The following UBE2V1 variants were observed in gnomAD, a reference collection of about 807,000 sequenced individuals.
UBE2V1 encodes the protein ubiquitin conjugating enzyme E2 V1, also known as ubiquitin-conjugating enzyme E2 variant 1.
A neutral mutation model predicts 19.6 loss-of-function variants in UBE2V1; 15 were observed. The ratio of observed to expected loss-of-function variants is 0.77; its 90% CI spans 0.51 to 1.18. The LOEUF (loss-of-function observed/expected upper bound fraction) is 1.18, where lower values mean the gene tolerates loss of function less well. Ranked by LOEUF, UBE2V1 falls within the 50% of genes most tolerant of loss-of-function variation. The probability of loss-of-function intolerance (pLI) is 0.00; values close to 1 mark genes in which losing one functional copy is unlikely to be tolerated. For missense variants in UBE2V1, 125 were observed against 184.8 expected (o/e 0.68, Z 1.88); for synonymous variants, 60 against 60.7 (o/e 0.99, Z 0.05).
chr20:50,109,821 C>T (rs1460670721), intron 1 of UBE2V1, among the ~76,000 whole-genome samples: 1 of 150,976 alleles, frequency 6.6e-6, no homozygotes, highest in Non-Finnish European at 1.5e-5. Context: ...GAGCAGGCTG[C>T]TATTTCTTTG....
intron 2 of UBE2V1, among the ~76,000 whole-genome samples, chr20:50,086,934 G>A (rs540992516): frequency 6.6e-5 from 10 of 152,258 alleles, no homozygotes; most frequent in South Asian, 2.1e-4. Flanking sequence ...AACATTAGCC[G>A]GGTGTGGTTG....
At chr20:50,084,471 T>C (rs1475004908) in intron 2 of UBE2V1, 1 of 782,304 alleles carries the variant, frequency 1.3e-6, no homozygotes, top group South Asian at 1.4e-5. Context: ...AGATGGAGCA[T>C]TTAAGCTAGT....
Position 50,084,149 on chromosome 20 carries a change from C to T in UBE2V1, c.277G>A (p.Val93Ile), listed in dbSNP as rs773860438. Reference protein sequence around the residue: ...RFVTKINMNGVNSSNGVVDPR... With the variant: ...RFVTKINMNGINSSNGVVDPR... ...CTTACCACTCCATTAGAACTATTTA[C>T]TCCATTCATATTAATTTTTGTTACA... is the stretch of plus-strand genomic sequence containing the variant. Residue 93 changes from valine (V) to isoleucine (I), a missense_variant, in exon 3 of 4, where the codon GTA becomes ATA. By Grantham distance (29) the Val-to-Ile change is conservative. Around this residue, in one of 3 missense-constraint regions of UBE2V1, gnomAD observed 78 missense variants for 108.8 expected, o/e 0.72. Coordinates refer to ENST00000371674, the MANE Select transcript of UBE2V1 (RefSeq NM_001032288.3). The T allele has an allele frequency of 2.5e-6, 4 of 1,603,096 alleles. No homozygotes were observed. Among genetic ancestry groups the T allele is most frequent in the East Asian group, 4.5e-5 (2 of 44,862 alleles).
At chr20:50,112,199 C>G (rs1312024986) in intron 1 of UBE2V1, among the ~76,000 whole-genome samples, 1 of 152,162 alleles carries the variant, frequency 6.6e-6, no homozygotes, top group Non-Finnish European at 1.5e-5. Context: ...CTCCGGAACC[C>G]GACCTTTTCC....
chr20:50,111,610 A>C, intron 1 of UBE2V1: 1 of 999,102 alleles, frequency 1.0e-6, no homozygotes, highest in Non-Finnish European at 1.2e-6. Flanking sequence ...GCTATTCTGC[A>C]AGAAGACCCC....
intron 1 of UBE2V1, chr20:50,104,410 C>A (rs978222869): frequency 9.3e-6 from 9 of 963,294 alleles, no homozygotes; most frequent in South Asian, 4.8e-5. Context: ...ATAATCCCAG[C>A]ACTTTGGGAG....
intron 1 of UBE2V1, among the ~76,000 whole-genome samples, chr20:50,101,479 C>T (rs187207904): frequency 3.0e-4 from 40 of 131,874 alleles, no homozygotes; most frequent in Admixed American, 2.6e-3. Context: ...AGTGCAATGA[C>T]GCAATCTCAG....
At chr20:50,100,682 A>C (rs1244087798) in intron 1 of UBE2V1, among the ~76,000 whole-genome samples, 5 of 152,260 alleles carry the variant, frequency 3.3e-5, no homozygotes, top group African/African-American at 1.2e-4. Flanking sequence ...GTATTACACA[A>C]GTGACCTCTA....
upstream of UBE2V1, chr20:50,115,923 C>T: frequency 5.6e-6 from 1 of 178,406 alleles, no homozygotes; most frequent in South Asian, 1.8e-4. Flanking sequence ...TAATAATTCC[C>T]GTGCCGAGCT....
Position 50,109,245 on chromosome 20 carries a change from T to A in UBE2V1, c.22+3862A>T, listed in dbSNP as rs543197975. The A allele has an allele frequency of 6.2e-5, 38 of 616,856 alleles. No homozygotes were observed. The South Asian group carries it at 2.4e-3, about 39-fold the overall frequency. 38.2% of individuals were successfully genotyped at this position (616,856 alleles called of 1,614,324 possible). A position where few individuals can be genotyped will look rare whatever the true frequency, so the allele number is the denominator to read the frequency against. On this transcript the variant is annotated intron_variant, in intron 1 of 3. Coordinates refer to ENST00000371674, the MANE Select transcript of UBE2V1 (RefSeq NM_001032288.3). ...AAATGTGCTGCTCTGAACTTCACTG[T>A]GCCCCTTCAAAATTAAGCAGAGGAT...
chr20:50,114,007 T>C (rs927443523), upstream of UBE2V1, among the ~76,000 whole-genome samples: 3 of 152,068 alleles, frequency 2.0e-5, no homozygotes, highest in Non-Finnish European at 4.4e-5. Flanking sequence ...CAGAGGATGG[T>C]CAGGAAGGGC....
chr20:50,089,192 G>T (rs1360654207), intron 2 of UBE2V1, among the ~76,000 whole-genome samples: 3 of 152,310 alleles, frequency 2.0e-5, no homozygotes, highest in African/African-American at 7.2e-5. Flanking sequence ...TTAAGGGAGG[G>T]GGGGATAAGC....
chr20:50,081,346 T>TAAAAA lies in UBE2V1; in HGVS notation c.*1417_*1421dup, dbSNP rs74435910. The TAAAAA allele has an allele frequency of 7.3e-6, 1 of 136,612 alleles. No individual in the cohort carries two copies. The highest frequency in any genetic ancestry group is 1.6e-5 in the Non-Finnish European group (1 of 62,264). The allele number at this position is 136,612 out of a possible 1,614,324, so 8.5% of individuals were successfully genotyped here. On this transcript the variant is annotated 3_prime_UTR_variant, in exon 4 of 4. Coordinates refer to ENST00000371674, the MANE Select transcript of UBE2V1 (RefSeq NM_001032288.3). Reference sequence around the variant, plus strand: ...AGGTGGTTTTACACAAATACTAAATTAAAAAAAAAAAAAAAACCTTTAGTA... The same window carrying TAAAAA: ...AGGTGGTTTTACACAAATACTAAATTAAAAAAAAAAAAAAAAAAAAACCTTTAGTA...
intron 1 of UBE2V1, among the ~76,000 whole-genome samples, chr20:50,101,271 G>T (rs570728332): frequency 1.1e-3 from 167 of 152,242 alleles, no homozygotes; most frequent in Non-Finnish European, 1.9e-3. Flanking sequence ...ATTGCAACTA[G>T]GAGTTGTGAT....
chr20:50,112,267 CG>C (rs1250580262), intron 1 of UBE2V1, among the ~76,000 whole-genome samples: 1 of 152,192 alleles, frequency 6.6e-6, no homozygotes, highest in African/African-American at 2.4e-5. Context: ...GAGACATCCT[CG>C]GGGCTCCCAA....
At chr20:50,112,666 G>A (rs2080838237) in intron 1 of UBE2V1, among the ~76,000 whole-genome samples, 1 of 152,172 alleles carries the variant, frequency 6.6e-6, no homozygotes, top group Non-Finnish European at 1.5e-5. Context: ...CTTCTCTGAT[G>A]TCCCCTCCAG....
chr20:50,104,396 G>A (rs933524555), intron 1 of UBE2V1: 5 of 982,178 alleles, frequency 5.1e-6, no homozygotes, highest in Non-Finnish European at 3.6e-6. Context: ...GGTGGCTCAC[G>A]CCTATAATCC....
chr20:50,097,303 A>G (rs888017805), intron 1 of UBE2V1, among the ~76,000 whole-genome samples: 1 of 152,218 alleles, frequency 6.6e-6, no homozygotes, highest in Non-Finnish European at 1.5e-5. Context: ...TAATCAACTA[A>G]GAGTCAACTG....
rs1174253856 is a variant in UBE2V1, at chr20:50,101,507, C to T, written c.23-4687G>A. 1.0e-4 allele frequency among the ~76,000 whole-genome samples: 14 copies of T among 140,246 alleles called. No individual in the cohort carries two copies. In the Admixed American group the frequency reaches 1.1e-3, roughly 11 times the overall value. 92.0% of individuals were successfully genotyped at this position (140,246 alleles called of 152,430 possible). ...AATCTCAGCTCACTGCAACCTCTGC[C>T]TCCTAGGTTCAAGCAATTCTCATGA... On this transcript the variant is annotated intron_variant, in intron 1 of 3. Transcript: ENST00000371674.
Sources: gnomAD v4.1 joint callset for allele counts (sites outside exome capture counted in the v4.1 genomes callset) on GRCh38, gnomAD v4.1.1 for gene constraint, gnomAD v4.1.1 regional missense constraint, MANE v1.5 for transcripts, NCBI Gene and HGNC (gene_info 2026-07-23, HGNC 2026-07-21) for gene names.